ITGB3: variants seen among roughly 807,000 people sequenced by gnomAD.
The protein encoded by ITGB3 is integrin beta-3.
ITGB3 carries 48 observed loss-of-function variants against 85.8 expected under a neutral mutation model. The observed-to-expected ratio is 0.56, with a 90% CI of 0.44 to 0.71. The LOEUF is 0.71. Ranked by LOEUF, ITGB3 falls within the 30% of genes least tolerant of loss-of-function variation. The probability of loss-of-function intolerance (pLI) is 0.00; values close to 1 mark genes in which losing one functional copy is unlikely to be tolerated. For missense variants in ITGB3, 861 were observed against 1,019.1 expected, an observed-to-expected ratio of 0.84 and a Z score of 2.11; for synonymous variants, 363 against 395.6, an observed-to-expected ratio of 0.92 and a Z score of 0.98.
In ITGB3 at chr17:47,312,136, C is replaced by G. The variant is rs886053097; in HGVS notation, c.*1932C>G. 2.0e-5 allele frequency among the ~76,000 whole-genome samples: 3 copies of G among 152,226 alleles called. No homozygotes were observed. In the East Asian group the frequency reaches 5.8e-4, roughly 29 times the overall value. Reference sequence around the variant, plus strand: ...GTCTCATTCTATCCTCTCTCCAAACCCGTTTTCCAACATTTGTTAATAGTT... The same window carrying G: ...GTCTCATTCTATCCTCTCTCCAAACGCGTTTTCCAACATTTGTTAATAGTT... On this transcript the variant is annotated 3_prime_UTR_variant, in exon 15 of 15. Coordinates refer to ENST00000559488, the MANE Select transcript of ITGB3 (RefSeq NM_000212.3).
intron 13 of ITGB3, among the ~76,000 whole-genome samples, chr17:47,304,896 C>A (rs774831107): frequency 6.6e-6 from 1 of 152,334 alleles, no homozygotes; most frequent in East Asian, 1.9e-4. Flanking sequence ...GTGTGAGCCA[C>A]TGCACCTGGC....
chr17:47,283,073 CT>C (rs1555572168), intron 2 of ITGB3, among the ~76,000 whole-genome samples: 440 of 143,608 alleles, frequency 3.1e-3, no homozygotes, highest in Middle Eastern at 3.7e-3. Flanking sequence ...TTTCTTTTTC[CT>C]TTTTTTTTTT....
chr17:47,258,980 C>T (rs1356892980), intron 1 of ITGB3, among the ~76,000 whole-genome samples: 1 of 152,200 alleles, frequency 6.6e-6, no homozygotes, highest in African/African-American at 2.4e-5. Context: ...CGTCATCCTC[C>T]GTGTTGGAAC....
chr17:47,272,817 A>G (rs1258877466), intron 1 of ITGB3, among the ~76,000 whole-genome samples: 1 of 147,938 alleles, frequency 6.8e-6, no homozygotes, highest in Non-Finnish European at 1.5e-5. Flanking sequence ...TGTGTCACCC[A>G]GGCTGGAGTG....
intron 1 of ITGB3, among the ~76,000 whole-genome samples, chr17:47,272,272 T>C (rs1016328400): frequency 6.6e-6 from 1 of 151,930 alleles, no homozygotes; most frequent in Non-Finnish European, 1.5e-5. Context: ...GCCAGGATAG[T>C]CTTGATCTCC....
At chr17:47,254,223 G>T (rs559532094) in intron 1 of ITGB3, among the ~76,000 whole-genome samples, 8 of 152,198 alleles carry the variant, frequency 5.3e-5, no homozygotes, top group Admixed American at 2.0e-4. Flanking sequence ...GCACGGTGCG[G>T]TGGGCGCATC....
chr17:47,296,711 A>C (rs931038321), intron 10 of ITGB3, among the ~76,000 whole-genome samples: 1 of 152,188 alleles, frequency 6.6e-6, no homozygotes, highest in African/African-American at 2.4e-5. Flanking sequence ...GGTGGAGCTC[A>C]AGGATGCTGC....
At position 47,310,147 on chromosome 17, in the gene ITGB3, C is replaced by T. The variant is rs1409472555; in HGVS notation, c.2310C>T (p.Asn770=). 1 of 1,613,956 alleles carries T rather than the reference C, an allele frequency of 6.2e-7. No homozygotes were observed. Among genetic ancestry groups the T allele is most frequent in the East Asian group, 2.2e-5 (1 of 44,866 alleles). Residue 770 remains asparagine, a synonymous_variant, in exon 15 of 15, where the codon AAC becomes AAT. Transcript: ENST00000559488. ...RARAKWDTAN[N]PLYKEATSTF... ...TTCTGTTTCCTCCACAGGCCAACAA[C>T]CCACTGTATAAAGAGGCCACGTCTA...
At chr17:47,266,321 G>T (rs1243514636) in intron 1 of ITGB3, among the ~76,000 whole-genome samples, 1 of 152,134 alleles carries the variant, frequency 6.6e-6, no homozygotes, top group East Asian at 1.9e-4. Flanking sequence ...GTAGTCCCCT[G>T]TCCTCATTAG....
At chr17:47,259,847 C>T (rs565935624) in intron 1 of ITGB3, among the ~76,000 whole-genome samples, 4 of 152,112 alleles carry the variant, frequency 2.6e-5, no homozygotes, top group Admixed American at 1.3e-4. Context: ...TGCAGTGAGC[C>T]GAGATTGTGC....
rs1191498938 is a variant in ITGB3 at position 47,299,887 on chromosome 17, G to A, written c.1913+357G>A. On this transcript the variant is annotated intron_variant, in intron 11 of 14. Coordinates refer to ENST00000559488, the MANE Select transcript of ITGB3 (RefSeq NM_000212.3). The surrounding 1 kb of genome is among the most constrained non-coding windows in gnomAD (Gnocchi z 5.1). Reference sequence around the variant, plus strand: ...GGGCTGGAATTATGGAGGACACTCTGTGAAACTACTACAAACCTCCCACTT... The same window carrying A: ...GGGCTGGAATTATGGAGGACACTCTATGAAACTACTACAAACCTCCCACTT... 6.6e-6 allele frequency among the ~76,000 whole-genome samples: 1 copy of A among 152,106 alleles called. No homozygotes were observed. Among genetic ancestry groups the A allele is most frequent in the South Asian group, 2.1e-4 (1 of 4,834 alleles).
chr17:47,261,159 G>T (rs2065007609), intron 1 of ITGB3, among the ~76,000 whole-genome samples: 1 of 152,116 alleles, frequency 6.6e-6, no homozygotes, highest in Non-Finnish European at 1.5e-5. Context: ...TGTTCCTGCT[G>T]AGTTTGCCAT....
intron 13 of ITGB3, among the ~76,000 whole-genome samples, chr17:47,304,146 C>A (rs1246513212): frequency 2.0e-5 from 3 of 152,100 alleles, no homozygotes; most frequent in Non-Finnish European, 2.9e-5. Flanking sequence ...CCCGCCTCAG[C>A]CCCCCGCAAA....
At chr17:47,303,148 G>A (rs1348767442) in intron 13 of ITGB3, among the ~76,000 whole-genome samples, 2 of 152,098 alleles carry the variant, frequency 1.3e-5, no homozygotes, top group Non-Finnish European at 2.9e-5. Context: ...TCCTTGGGAG[G>A]CTGAGGCAGG....
chr17:47,299,396 C>T lies in ITGB3; in HGVS notation c.1779C>T (p.Cys593=), dbSNP rs150666100. The T allele has an allele frequency of 1.2e-6, 2 of 1,614,258 alleles. No individual in the cohort carries two copies. Among genetic ancestry groups the T allele is most frequent in the Admixed American group, 3.3e-5 (2 of 60,032 alleles). Residue 593 remains cysteine (C), a synonymous_variant, in exon 11 of 15, where the codon TGC becomes TGT. Coordinates refer to ENST00000559488, the MANE Select transcript of ITGB3 (RefSeq NM_000212.3). The surrounding 1 kb of genome is among the most constrained non-coding windows in gnomAD (Gnocchi z 5.1). ...YCNCTTRTDT[C]MSSNGLLCSG... ...ACTGTACCACGCGTACTGACACCTG[C>T]ATGTCCAGCAATGGGCTGCTGTGCA...
intron 1 of ITGB3, among the ~76,000 whole-genome samples, chr17:47,270,093 G>A (rs2065039118): frequency 6.6e-6 from 1 of 152,168 alleles, no homozygotes; most frequent in African/African-American, 2.4e-5. Flanking sequence ...AGCAACATGA[G>A]GATAATCATC....
intron 1 of ITGB3, among the ~76,000 whole-genome samples, chr17:47,256,975 CT>C (rs2064992732): frequency 6.6e-6 from 1 of 152,172 alleles, no homozygotes; most frequent in South Asian, 2.1e-4. Flanking sequence ...GGGTTTGATT[CT>C]TGACTTTGTC....
At chr17:47,288,573 CTG>C (rs1280038571) in intron 6 of ITGB3, among the ~76,000 whole-genome samples, 5 of 152,146 alleles carry the variant, frequency 3.3e-5, no homozygotes, top group Admixed American at 3.3e-4. Flanking sequence ...AGGCAGGAGA[CTG>C]AGCTGAGGAT....
At chr17:47,261,330 T>G (rs2065008015) in intron 1 of ITGB3, among the ~76,000 whole-genome samples, 1 of 152,166 alleles carries the variant, frequency 6.6e-6, no homozygotes, top group African/African-American at 2.4e-5. Context: ...TTAAGCTTAT[T>G]ATTTAAAAAA....
Sources: allele counts gnomAD v4.1 joint callset (sites outside exome capture counted in the v4.1 genomes callset), GRCh38; gene constraint gnomAD v4.1.1; non-coding constraint Gnocchi (gnomAD v3.1); transcripts MANE v1.5; gene names NCBI Gene and HGNC (gene_info 2026-07-23, HGNC 2026-07-21).